The following TMX4 variants were observed in gnomAD, a reference collection of about 807,000 sequenced individuals.
The protein encoded by TMX4 is thioredoxin-related transmembrane protein 4.
A neutral mutation model predicts 33.3 loss-of-function variants in TMX4; 23 were observed. The observed-to-expected ratio is 0.69, with a 90% CI of 0.50 to 0.98. TMX4 has a LOEUF of 0.98. Among genes scored for constraint, TMX4 ranks in the 50% least tolerant of loss-of-function variants. TMX4 has a pLI of 0.00. For synonymous variants in TMX4, 164 were observed against 161.5 expected (o/e 1.02, Z -0.12); for missense variants, 399 against 448.9 (o/e 0.89, Z 1.01).
At chr20:8,006,750 ACTT>A (rs1480045501) in intron 2 of TMX4, among the ~76,000 whole-genome samples, 2 of 129,364 alleles carry the variant, frequency 1.5e-5, no homozygotes, top group African/African-American at 3.6e-5. Flanking sequence ...CTATGATGGA[ACTT>A]CTTCTTCTTT....
At chr20:7,985,749 A>G (rs2050628630) in intron 6 of TMX4, among the ~76,000 whole-genome samples, 1 of 152,158 alleles carries the variant, frequency 6.6e-6, no homozygotes, top group African/African-American at 2.4e-5. Context: ...AGGGTAGTCT[A>G]TCTCACTTAA....
chr20:7,984,940 T>C (rs1334806502), intron 6 of TMX4, among the ~76,000 whole-genome samples: 1 of 152,140 alleles, frequency 6.6e-6, no homozygotes, highest in Non-Finnish European at 1.5e-5. Flanking sequence ...CTCAGGCAGC[T>C]TTGTCCCCCA....
In TMX4 at chr20:7,982,172, A is replaced by C; in HGVS notation, c.*79T>G. 7.0e-7 allele frequency: 1 copy of C among 1,436,826 alleles called. No homozygotes were observed. Among genetic ancestry groups the C allele is most frequent in the Non-Finnish European group, 9.3e-7 (1 of 1,073,118 alleles). 89.0% of individuals were successfully genotyped at this position (1,436,826 alleles called of 1,614,324 possible). ...AAGCTTGCTCATTCAGGAAAAATTA[A>C]GGATTTGGTACAAACTGCAGGCCAA... On this transcript the variant is annotated 3_prime_UTR_variant, in exon 8 of 8. Coordinates refer to ENST00000246024, the MANE Select transcript of TMX4 (RefSeq NM_021156.4).
At chr20:8,003,586 C>T (rs1460536096) in intron 2 of TMX4, among the ~76,000 whole-genome samples, 1 of 152,074 alleles carries the variant, frequency 6.6e-6, no homozygotes. Flanking sequence ...TTAGAAATTG[C>T]ACCTCATTTC....
chr20:8,007,285 CT>C (rs1262285319), intron 2 of TMX4, among the ~76,000 whole-genome samples: 1 of 152,116 alleles, frequency 6.6e-6, no homozygotes, highest in African/African-American at 2.4e-5. Context: ...CCATTTTCTC[CT>C]TTTCCACCCC....
At chr20:7,996,946 T>C (rs1038082715) in intron 4 of TMX4, among the ~76,000 whole-genome samples, 6 of 152,138 alleles carry the variant, frequency 3.9e-5, no homozygotes, top group African/African-American at 1.2e-4. Context: ...CAGGAACAGA[T>C]TGTCAAGGCC....
chr20:8,001,357 T>C lies in TMX4; in HGVS notation c.338+139A>G, dbSNP rs187376537. 2,421 of 855,446 alleles carry C rather than the reference T, an allele frequency of 2.8e-3. 11 individuals carry two copies. The highest frequency in any genetic ancestry group is 3.9e-3 in the Non-Finnish European group (2,131 of 546,428). 53.0% of individuals were successfully genotyped at this position (855,446 alleles called of 1,614,324 possible). ...CCAGGAAAGCTTCTCTTGTCACAGCTCTCACTCAGAGCACACCAGCCTTGT... is the reference window on the plus strand; with the variant it reads ...CCAGGAAAGCTTCTCTTGTCACAGCCCTCACTCAGAGCACACCAGCCTTGT... On this transcript the variant is annotated intron_variant, in intron 3 of 7. Transcript: ENST00000246024.
intron 2 of TMX4, among the ~76,000 whole-genome samples, chr20:8,004,356 AT>A (rs1447937028): frequency 6.6e-6 from 1 of 152,224 alleles, no homozygotes; most frequent in Non-Finnish European, 1.5e-5. Flanking sequence ...TTGACAAAGA[AT>A]TTGAACATCA....
chr20:7,992,711 C>T (rs2050660308), intron 5 of TMX4, among the ~76,000 whole-genome samples: 1 of 152,140 alleles, frequency 6.6e-6, no homozygotes, highest in Admixed American at 6.5e-5. Flanking sequence ...CAGCTTTTAT[C>T]TCCAGAATGT....
At chr20:8,005,477 GAA>G (rs1174761222) in intron 2 of TMX4, among the ~76,000 whole-genome samples, 2 of 152,218 alleles carry the variant, frequency 1.3e-5, no homozygotes, top group Non-Finnish European at 1.5e-5. Context: ...GCTGGGAGGG[GAA>G]AGATGGGCCC....
chr20:8,010,789 T>C (rs2050749775), intron 1 of TMX4, among the ~76,000 whole-genome samples: 1 of 152,142 alleles, frequency 6.6e-6, no homozygotes, highest in African/African-American at 2.4e-5. Context: ...CCAAGATCTG[T>C]GGTAATTCTG....
In TMX4 at chr20:7,978,261, T is replaced by C. The variant is rs2050588973; in HGVS notation, c.*3990A>G. The C allele has an allele frequency of 6.6e-6, 1 of 152,222 alleles. No individual in the cohort carries two copies. Among genetic ancestry groups the C allele is most frequent in the African/African-American group, 2.4e-5 (1 of 41,466 alleles). The allele number at this position is 152,222 out of a possible 1,614,324, so 9.4% of individuals were successfully genotyped here. A position where few individuals can be genotyped will look rare whatever the true frequency, so the allele number is the denominator to read the frequency against. ...CCTCCCTCTTCTTTCTCTCACTTCA[T>C]ACTAAAGATTTTATGCTGAAATCTC... On this transcript the variant is annotated 3_prime_UTR_variant, in exon 8 of 8. Coordinates refer to ENST00000246024, the MANE Select transcript of TMX4 (RefSeq NM_021156.4).
At chr20:8,015,965 A>G (rs2050773266) in intron 1 of TMX4, among the ~76,000 whole-genome samples, 1 of 152,212 alleles carries the variant, frequency 6.6e-6, no homozygotes, top group South Asian at 2.1e-4. Flanking sequence ...AAATTAAGCC[A>G]CTTGGCTATC....
rs1377350952 is a variant in TMX4, at chr20:7,987,397, C to A, written c.514-8G>T. The A allele has an allele frequency of 6.4e-7, 1 of 1,555,850 alleles. No homozygotes were observed. The highest frequency in any genetic ancestry group is 8.6e-7 in the Non-Finnish European group (1 of 1,158,752). ...GAAATAGTTGTGAAGATGCTGGAAT[C>A]AGAAGAAAAAAAATAAAACATTAAT... On this transcript the variant is annotated splice_polypyrimidine_tract_variant and splice_region_variant and intron_variant, in intron 5 of 7. Coordinates refer to ENST00000246024, the MANE Select transcript of TMX4 (RefSeq NM_021156.4).
At chr20:7,997,413 C>CT (rs1169437321) in intron 4 of TMX4, among the ~76,000 whole-genome samples, 2 of 151,936 alleles carry the variant, frequency 1.3e-5, no homozygotes, top group African/African-American at 4.8e-5. Flanking sequence ...ACCACCCCCT[C>CT]TTTTTTTCCT....
At chr20:7,989,464 T>C (rs572421969) in intron 5 of TMX4, among the ~76,000 whole-genome samples, 45 of 152,354 alleles carry the variant, frequency 3.0e-4, no homozygotes, top group African/African-American at 1.0e-3. Context: ...TCATTTGCTT[T>C]TGAAGCATTG....
At chr20:8,006,858 A>C (rs1400684728) in intron 2 of TMX4, among the ~76,000 whole-genome samples, 1 of 151,382 alleles carries the variant, frequency 6.6e-6, no homozygotes, top group Non-Finnish European at 1.5e-5. Flanking sequence ...TCCCGGGTTC[A>C]AGCGATTCTC....
intron 2 of TMX4, among the ~76,000 whole-genome samples, chr20:8,008,685 T>C (rs1359686920): frequency 6.6e-6 from 1 of 152,222 alleles, no homozygotes; most frequent in Non-Finnish European, 1.5e-5. Context: ...AAAATGTGCA[T>C]GGTGCCCAGT....
intron 5 of TMX4, among the ~76,000 whole-genome samples, chr20:7,992,449 C>G (rs1483158115): frequency 6.6e-6 from 1 of 152,232 alleles, no homozygotes; most frequent in African/African-American, 2.4e-5. Flanking sequence ...ATCATCTACT[C>G]TTGTCCATAT....
Sources: gnomAD v4.1 joint callset for allele counts (sites outside exome capture counted in the v4.1 genomes callset) on GRCh38, gnomAD v4.1.1 for gene constraint, MANE v1.5 for transcripts, NCBI Gene and HGNC (gene_info 2026-07-23, HGNC 2026-07-21) for gene names.